Variants in EHBP1 observed in about 807,000 individuals in gnomAD.
EHBP1 encodes the protein EH domain-binding protein 1.
A neutral mutation model predicts 144.0 loss-of-function variants in EHBP1; 55 were observed. The ratio of observed to expected loss-of-function variants is 0.38; its 90% confidence interval spans 0.31 to 0.48. EHBP1 has a LOEUF of 0.48. EHBP1 is among the 20% of genes least tolerant of loss of function. The pLI is 0.98. For missense variants in EHBP1, 1,200 were observed against 1,364.2 expected, an observed-to-expected ratio of 0.88 and a Z score of 1.90; for synonymous variants, 469 against 472.7, an observed-to-expected ratio of 0.99 and a Z score of 0.10.
At chr2:62,696,400 G>A (rs1162784774) in intron 1 of EHBP1, among the ~76,000 whole-genome samples, 1 of 150,324 alleles carries the variant, frequency 6.7e-6, no homozygotes, top group African/African-American at 2.4e-5. Context: ...ACCCACCTTG[G>A]CCTCCCAAAA....
intron 14 of EHBP1, among the ~76,000 whole-genome samples, chr2:62,974,500 A>G (rs555328290): frequency 8.5e-5 from 13 of 152,296 alleles, no homozygotes; most frequent in Non-Finnish European, 1.8e-4. Flanking sequence ...ATCTCTTTCT[A>G]TGCATATGTT....
At chr2:62,693,627 A>G (rs1309863895) in intron 1 of EHBP1, among the ~76,000 whole-genome samples, 1 of 152,198 alleles carries the variant, frequency 6.6e-6, no homozygotes, top group East Asian at 1.9e-4. Flanking sequence ...TGTGTTGGCA[A>G]CATTCTAAAT....
rs988443562 is a variant in EHBP1 at position 62,802,636 on chromosome 2, C to G, written c.313-23451C>G. Among the ~76,000 whole-genome samples, 11 of 151,814 alleles carry G rather than the reference C, an allele frequency of 7.2e-5. No individual in the cohort carries two copies. The South Asian group carries it at 2.3e-3, about 32-fold the overall frequency. On this transcript the variant is annotated intron_variant, in intron 5 of 22. Coordinates refer to ENST00000431489, the MANE Select transcript of EHBP1 (RefSeq NM_001142616.3). ...AAAGTTCTCCCTCACCCACACAGTC[C>G]TAGACATTTAAAATGATATTACACA...
chr2:62,890,603 A>C (rs1573923606), intron 10 of EHBP1, among the ~76,000 whole-genome samples: 1 of 152,172 alleles, frequency 6.6e-6, no homozygotes, highest in African/African-American at 2.4e-5. Context: ...CCTGAGATTT[A>C]GCTGAAGTTA....
chr2:63,040,587 C>T (rs1383620318), intron 21 of EHBP1, among the ~76,000 whole-genome samples: 1 of 152,216 alleles, frequency 6.6e-6, no homozygotes, highest in Non-Finnish European at 1.5e-5. Flanking sequence ...AGTTTTACTA[C>T]AGTTGTTAGT....
At chr2:62,826,312 G>C in intron 6 of EHBP1, 44 bp downstream of exon 6, 1 of 1,505,456 alleles carries the variant, frequency 6.6e-7, no homozygotes. Context: ...TTGTGTTTCA[G>C]TACACCATAG....
At chr2:63,012,652 G>A (rs1307238672) in intron 19 of EHBP1, among the ~76,000 whole-genome samples, 1 of 152,118 alleles carries the variant, frequency 6.6e-6, no homozygotes, top group African/African-American at 2.4e-5. Flanking sequence ...AGGCACTAAT[G>A]TCCAAAGTAC....
chr2:62,925,165 A>C (rs550633561), intron 10 of EHBP1, among the ~76,000 whole-genome samples: 2 of 152,328 alleles, frequency 1.3e-5, no homozygotes, highest in Admixed American at 1.3e-4. Context: ...GACATTGTTC[A>C]TGATAAAACT....
intron 21 of EHBP1, chr2:63,044,259 T>A (rs1574610148): frequency 7.6e-6 from 1 of 130,964 alleles, no homozygotes; most frequent in Admixed American, 7.5e-5. Context: ...GTCTAAAACC[T>A]TCAAAAAAAA....
chr2:62,928,309 G>A (rs913809915), intron 10 of EHBP1, among the ~76,000 whole-genome samples: 18 of 152,128 alleles, frequency 1.2e-4, no homozygotes, highest in African/African-American at 4.3e-4. Context: ...CTAGGGAGGC[G>A]TTGTCCTCTG....
At chr2:62,847,657 G>A (rs982459358) in intron 7 of EHBP1, among the ~76,000 whole-genome samples, 1 of 152,162 alleles carries the variant, frequency 6.6e-6, no homozygotes, top group African/African-American at 2.4e-5. Flanking sequence ...AACATAGTGA[G>A]ATCCTGTCTC....
intron 5 of EHBP1, among the ~76,000 whole-genome samples, chr2:62,792,837 A>G (rs1039492650): frequency 8.5e-5 from 13 of 152,208 alleles, no homozygotes; most frequent in Non-Finnish European, 1.8e-4. Flanking sequence ...ATGACTGAAG[A>G]AGACATCTAT....
chr2:62,725,836 A>G (rs1177533958), intron 2 of EHBP1, among the ~76,000 whole-genome samples: 1 of 152,118 alleles, frequency 6.6e-6, no homozygotes, highest in East Asian at 1.9e-4. Flanking sequence ...TGGGAGCTAC[A>G]GTGTGGGGAG....
chr2:62,740,599 C>T (rs1005871707), intron 2 of EHBP1, among the ~76,000 whole-genome samples: 3 of 152,060 alleles, frequency 2.0e-5, no homozygotes, highest in Non-Finnish European at 4.4e-5. Context: ...AGTCCTTTTC[C>T]CTAAAAGAAA....
intron 3 of EHBP1, among the ~76,000 whole-genome samples, chr2:62,755,724 A>G (rs2040215468): frequency 6.6e-6 from 1 of 152,200 alleles, no homozygotes; most frequent in South Asian, 2.1e-4. Flanking sequence ...AAGAAACATA[A>G]CATTTGTTGG....
At chr2:62,920,052 G>A (rs976292691) in intron 10 of EHBP1, among the ~76,000 whole-genome samples, 2 of 152,094 alleles carry the variant, frequency 1.3e-5, no homozygotes, top group African/African-American at 2.4e-5. Context: ...GACAGAGAAA[G>A]GGAGAGATAA....
At chr2:62,927,207 G>T (rs1333342521) in intron 10 of EHBP1, among the ~76,000 whole-genome samples, 1 of 152,108 alleles carries the variant, frequency 6.6e-6, no homozygotes, top group Non-Finnish European at 1.5e-5. Context: ...CAGGGGAGGT[G>T]GTGGGGAGAG....
chr2:62,881,356 T>G (rs2152874167), intron 10 of EHBP1, among the ~76,000 whole-genome samples: 1 of 138,170 alleles, frequency 7.2e-6, no homozygotes, highest in Non-Finnish European at 1.5e-5. Context: ...CACAATTTAC[T>G]CATGTAACAA....
chr2:62,889,047 CTTTTTTTTTTT>C (rs71410971), intron 10 of EHBP1, among the ~76,000 whole-genome samples: 2 of 39,724 alleles, frequency 5.0e-5, no homozygotes, highest in African/African-American at 1.0e-4. Context: ...GTAGGTACCT[CTTTTTTTTTTT>C]TTTTTTTTTT....
Sources: gnomAD v4.1 joint callset for allele counts (sites outside exome capture counted in the v4.1 genomes callset) on GRCh38, gnomAD v4.1.1 for gene constraint, MANE v1.5 for transcripts, NCBI Gene and HGNC (gene_info 2026-07-23, HGNC 2026-07-21) for gene names.